The following C10orf143 variants were observed in gnomAD, a reference collection of about 807,000 sequenced individuals.
C10orf143 encodes the protein chromosome 10 open reading frame 143.
chr10:130,055,711 C>T (rs544626698), intron 3 of C10orf143, among the ~76,000 whole-genome samples: 57 of 152,088 alleles, frequency 3.7e-4, no homozygotes, highest in Non-Finnish European at 2.8e-4. Context: ...TTTAGGAGGC[C>T]GAGGCAGGCA....
chr10:130,040,267 AAG>A (rs930100147), intron 3 of C10orf143, among the ~76,000 whole-genome samples: 1 of 152,188 alleles, frequency 6.6e-6, no homozygotes, highest in African/African-American at 2.4e-5. Flanking sequence ...GCAGTCCAGA[AAG>A]AGCACCGAGG....
chr10:130,106,256 T>C (rs1861645143), intron 1 of C10orf143: 1 of 1,527,040 alleles, frequency 6.5e-7, no homozygotes, highest in Non-Finnish European at 9.0e-7. Flanking sequence ...GAGTCGGCTT[T>C]ATGTGGGAAG....
intron 1 of C10orf143, chr10:130,107,557 T>C (rs772284728): frequency 3.7e-6 from 5 of 1,344,054 alleles, no homozygotes; most frequent in Non-Finnish European, 1.1e-6. Context: ...ATGTACTTGA[T>C]GTTCCAAATA....
intron 3 of C10orf143, among the ~76,000 whole-genome samples, chr10:130,076,145 T>C (rs575791202): frequency 6.6e-6 from 1 of 152,182 alleles, no homozygotes; most frequent in East Asian, 1.9e-4. Context: ...GGTAGTTCTT[T>C]ATAGCGATGT....
Position 130,082,555 on chromosome 10 carries a change from A to G in C10orf143, c.70-2654T>C, listed in dbSNP as rs114009331. ...TAAGTCTCACGAGATCTGATGTTTTATAAGGGGCTTCCCTTTTGCTTGGTT... is the reference window on the plus strand; with the variant it reads ...TAAGTCTCACGAGATCTGATGTTTTGTAAGGGGCTTCCCTTTTGCTTGGTT... On this transcript the variant is annotated intron_variant, in intron 1 of 3. Transcript: ENST00000637128. 3.3e-3 allele frequency among the ~76,000 whole-genome samples: 504 copies of G among 152,306 alleles called. 6 individuals are homozygous for G. The highest frequency in any genetic ancestry group is 0.012 in the African/African-American group (479 of 41,558).
chr10:130,047,737 C>T (rs915288078), intron 3 of C10orf143, among the ~76,000 whole-genome samples: 4 of 152,184 alleles, frequency 2.6e-5, no homozygotes, highest in African/African-American at 9.7e-5. Flanking sequence ...CTTTCACATC[C>T]TTCTATTTTA....
At chr10:130,094,596 C>T (rs1250654518) in intron 1 of C10orf143, among the ~76,000 whole-genome samples, 1 of 152,112 alleles carries the variant, frequency 6.6e-6, no homozygotes, top group Non-Finnish European at 1.5e-5. Flanking sequence ...AAATGTAATC[C>T]ATGACATAAG....
intron 3 of C10orf143, among the ~76,000 whole-genome samples, chr10:130,069,027 C>T (rs1860986948): frequency 6.6e-6 from 1 of 152,128 alleles, no homozygotes; most frequent in Non-Finnish European, 1.5e-5. Flanking sequence ...GATTTGAAAA[C>T]ATTAATCTAT....
intron 1 of C10orf143, among the ~76,000 whole-genome samples, chr10:130,095,651 T>G (rs957853837): frequency 6.6e-6 from 1 of 152,072 alleles, no homozygotes; most frequent in Non-Finnish European, 1.5e-5. Context: ...ATCTACAACC[T>G]TCTGATCTTT....
rs575659184 is a variant in C10orf143 at position 130,108,653 on chromosome 10, CTA to C, written c.69+2049_69+2050del. Among the ~76,000 whole-genome samples, 579 of 152,174 alleles carry C rather than the reference CTA, an allele frequency of 3.8e-3. 4 individuals are homozygous for C. The highest frequency in any genetic ancestry group is 3.9e-3 in the Non-Finnish European group (265 of 68,008). On this transcript the variant is annotated intron_variant, in intron 1 of 3. Transcript: ENST00000637128. ...CATTGTATTTTATTCGATAGTATAA[CTA>C]TTTTAATTTGATTAATCCACTATTA...
At chr10:130,060,261 G>C (rs1414979401), downstream of C10orf143, among the ~76,000 whole-genome samples, 1 of 152,112 alleles carries the variant, frequency 6.6e-6, no homozygotes, top group Non-Finnish European at 1.5e-5. Flanking sequence ...AAAACCAGAA[G>C]GTGCCCTCTG....
chr10:130,054,868 T>G (rs1415100316), intron 3 of C10orf143, among the ~76,000 whole-genome samples: 1 of 152,220 alleles, frequency 6.6e-6, no homozygotes, highest in Non-Finnish European at 1.5e-5. Flanking sequence ...AAGACAAATC[T>G]ATAGACCAAT....
At chr10:130,068,628 A>AAAG (rs386372845) in intron 3 of C10orf143, 2 of 151,294 alleles carry the variant, frequency 1.3e-5, no homozygotes, top group East Asian at 3.9e-4. Context: ...AAAAAAAAAA[A>AAAG]AAGAAGATTA....
At chr10:130,104,143 C>T (rs903824953) in intron 1 of C10orf143, 5 of 152,216 alleles carry the variant, frequency 3.3e-5, no homozygotes, top group South Asian at 2.1e-4. Flanking sequence ...GCAGGATAAA[C>T]GTAAGCAAGG....
At chr10:130,110,607 A>C (rs1861749867) in intron 1 of C10orf143, 97 bp downstream of exon 1, 1 of 398,054 alleles carries the variant, frequency 2.5e-6, no homozygotes, top group East Asian at 3.6e-5. Flanking sequence ...AGGCCTCCTC[A>C]CAGGCAGGGC....
chr10:130,106,825 A>C, intron 1 of C10orf143: 1 of 1,182,580 alleles, frequency 8.5e-7, no homozygotes, highest in East Asian at 2.3e-5. Context: ...TAAATGATAA[A>C]GAAAATCACA....
chr10:130,091,055 G>A (rs1861373634), intron 1 of C10orf143, among the ~76,000 whole-genome samples: 1 of 152,178 alleles, frequency 6.6e-6, no homozygotes, highest in African/African-American at 2.4e-5. Flanking sequence ...TCCTAGCACA[G>A]CACTCAAGCT....
intron 1 of C10orf143, among the ~76,000 whole-genome samples, chr10:130,081,294 G>A (rs1260850735): frequency 2.0e-5 from 3 of 152,016 alleles, no homozygotes; most frequent in Non-Finnish European, 4.4e-5. Flanking sequence ...GAACACCTAT[G>A]AGCCGAATAA....
intron 1 of C10orf143, among the ~76,000 whole-genome samples, chr10:130,094,292 G>C (rs1358872880): frequency 6.6e-6 from 1 of 152,080 alleles, no homozygotes; most frequent in Non-Finnish European, 1.5e-5. Context: ...AATTCTACCA[G>C]AGGTACAAAG....
Sources: allele counts gnomAD v4.1 joint callset (sites outside exome capture counted in the v4.1 genomes callset), GRCh38; gene constraint gnomAD v4.1.1; transcripts MANE v1.5; gene names NCBI Gene and HGNC (gene_info 2026-07-23, HGNC 2026-07-21).